The following XXYLT1 variants were observed in gnomAD, a reference collection of about 807,000 sequenced individuals.
The protein encoded by XXYLT1 is xyloside xylosyltransferase 1.
In XXYLT1, 20 loss-of-function variants were observed where a neutral mutation model predicts 28.9. The ratio of observed to expected loss-of-function variants is 0.69; its 90% confidence interval spans 0.49 to 1.00. The LOEUF (loss-of-function observed/expected upper bound fraction) is 1.00. XXYLT1 is among the 50% of genes least tolerant of loss of function. The pLI is 0.00. For synonymous variants in XXYLT1, 257 were observed against 253.8 expected (o/e 1.01, Z -0.12); for missense variants, 542 against 560.1 (o/e 0.97, Z 0.33).
At position 195,227,899 on chromosome 3, in the gene XXYLT1, G is replaced by C. The variant is rs188218637; in HGVS notation, c.505-1043C>G. 1.3e-4 allele frequency among the ~76,000 whole-genome samples: 20 copies of C among 152,348 alleles called. No individual in the cohort carries two copies. In the East Asian group the frequency reaches 2.5e-3, roughly 19 times the overall value. The stretch of plus-strand genomic sequence containing the variant: ...CTTGTCTAACTCTACTCCAGAAGAT[G>C]AGAAGTATGGCCCATGCGCAGCCCC... On this transcript the variant is annotated intron_variant, in intron 1 of 3. Transcript: ENST00000310380.
chr3:195,241,829 A>G (rs544503709), intron 1 of XXYLT1, among the ~76,000 whole-genome samples: 2 of 152,020 alleles, frequency 1.3e-5, no homozygotes, highest in Admixed American at 1.3e-4. Flanking sequence ...ACACATGCAC[A>G]CAACATACAC....
intron 3 of XXYLT1, among the ~76,000 whole-genome samples, chr3:195,108,425 C>T (rs543118507): frequency 6.6e-6 from 1 of 152,272 alleles, no homozygotes; most frequent in South Asian, 2.1e-4. Flanking sequence ...AATTGATTTC[C>T]TGTCTGTAAA....
At chr3:195,182,758 T>C (rs1029924384) in intron 2 of XXYLT1, among the ~76,000 whole-genome samples, 1 of 152,198 alleles carries the variant, frequency 6.6e-6, no homozygotes, top group Admixed American at 6.5e-5. Flanking sequence ...CATCCCTTTA[T>C]GTGAAATCTA....
intron 1 of XXYLT1, among the ~76,000 whole-genome samples, chr3:195,228,813 ATC>A (rs1327593940): frequency 1.3e-4 from 18 of 141,610 alleles, no homozygotes; most frequent in Non-Finnish European, 1.4e-4. Context: ...TTCTATATGT[ATC>A]TCTTTTTTTT....
rs974642616 is a variant in XXYLT1, at chr3:195,180,641, A to G, written c.653-24060T>C. 1.0e-4 allele frequency: 77 copies of G among 757,212 alleles called. No individual in the cohort carries two copies. Among genetic ancestry groups the G allele is most frequent in the Non-Finnish European group, 1.2e-4 (72 of 621,956 alleles). 46.9% of individuals were successfully genotyped at this position (757,212 alleles called of 1,614,324 possible). A position where few individuals can be genotyped will look rare whatever the true frequency, so the allele number is the denominator to read the frequency against. ...AAGAGCACCAGACGGCGGTGGCTGG[A>G]GCACCCCGTGCCACTGCAAACGTGA... On this transcript the variant is annotated intron_variant, in intron 2 of 3. Coordinates refer to ENST00000310380, the MANE Select transcript of XXYLT1 (RefSeq NM_152531.5). The surrounding 1 kb of genome is among the most constrained non-coding windows in gnomAD (Gnocchi z 5.8).
chr3:195,153,723 G>A (rs1274599834), intron 3 of XXYLT1, among the ~76,000 whole-genome samples: 1 of 152,166 alleles, frequency 6.6e-6, no homozygotes, highest in African/African-American at 2.4e-5. Context: ...TACAAATTCT[G>A]GCCAATCCTG....
At chr3:195,088,215 C>T in intron 3 of XXYLT1, among the ~76,000 whole-genome samples, 1 of 151,508 alleles carries the variant, frequency 6.6e-6, no homozygotes, top group Admixed American at 6.6e-5. Context: ...CCTCTGTAGG[C>T]TCCACCTCTG....
chr3:195,104,273 G>A (rs1007998886), intron 3 of XXYLT1, among the ~76,000 whole-genome samples: 32 of 151,834 alleles, frequency 2.1e-4, no homozygotes, highest in Non-Finnish European at 4.1e-4. Context: ...GATGCCATGA[G>A]AGGAAAACGA....
chr3:195,075,843 G>C (rs977981452), intron 3 of XXYLT1, among the ~76,000 whole-genome samples: 2 of 152,240 alleles, frequency 1.3e-5, no homozygotes, highest in Non-Finnish European at 2.9e-5. Flanking sequence ...GAACTTGGAA[G>C]GGGCAAGCGA....
intron 3 of XXYLT1, among the ~76,000 whole-genome samples, chr3:195,075,641 C>T (rs1715070792): frequency 6.6e-6 from 1 of 152,190 alleles, no homozygotes; most frequent in African/African-American, 2.4e-5. Context: ...GCTCACCACA[C>T]TAGCACTTGG....
chr3:195,153,308 A>T (rs897769786), intron 3 of XXYLT1, among the ~76,000 whole-genome samples: 3 of 152,220 alleles, frequency 2.0e-5, no homozygotes, highest in Non-Finnish European at 2.9e-5. Context: ...GCCAGCCAGT[A>T]CCAAGCCATT....
rs972960465 is a variant in XXYLT1 at position 195,168,986 on chromosome 3, CAA to C, written c.653-12407_653-12406del. Among the ~76,000 whole-genome samples the C allele has an allele frequency of 6.6e-6, 1 of 152,200 alleles. No individual in the cohort carries two copies. The highest frequency in any genetic ancestry group is 2.4e-5 in the African/African-American group (1 of 41,448). On this transcript the variant is annotated intron_variant, in intron 2 of 3. Transcript: ENST00000310380. This position sits in a 1 kb window ranked among gnomAD's most constrained non-coding sequence, Gnocchi z 4.3. ...CCTACTTCTGGGAAACAAATCACTC[CAA>C]AACCTAGTGGCTTAAAACAACAGTG...
intron 3 of XXYLT1, chr3:195,093,989 G>A (rs1451510350): frequency 6.5e-6 from 1 of 153,624 alleles, no homozygotes; most frequent in African/African-American, 2.4e-5. Context: ...CAGTCAAGGG[G>A]AGAGTGTCAG....
intron 3 of XXYLT1, among the ~76,000 whole-genome samples, chr3:195,134,265 GAAA>G (rs1049353396): frequency 6.6e-6 from 1 of 152,150 alleles, no homozygotes; most frequent in African/African-American, 2.4e-5. Context: ...TGCCTGAATA[GAAA>G]AAGCTTACAG....
At chr3:195,090,375 A>C (rs1271667299) in intron 3 of XXYLT1, among the ~76,000 whole-genome samples, 1 of 151,308 alleles carries the variant, frequency 6.6e-6, no homozygotes, top group Non-Finnish European at 1.5e-5. Context: ...TAAGAATCTC[A>C]CTCAAAACCA....
intron 3 of XXYLT1, among the ~76,000 whole-genome samples, chr3:195,132,484 A>G (rs1280459047): frequency 1.3e-5 from 2 of 152,152 alleles, no homozygotes; most frequent in Non-Finnish European, 1.5e-5. Flanking sequence ...AAAAAAAGAA[A>G]GAAAATAAGT....
intron 3 of XXYLT1, among the ~76,000 whole-genome samples, chr3:195,110,774 TGTGTGGTGTATAAGTGTATGTGGTGTA>T (rs1717639361): frequency 9.7e-6 from 1 of 102,996 alleles, no homozygotes; most frequent in Admixed American, 9.8e-5. Flanking sequence ...GTGTGGTGTG[TGTGTGGTGTATAAGTGTATGTGGTGTA>T]TGTGTGCGTG....
At chr3:195,244,028 C>T (rs1458961648) in intron 1 of XXYLT1, among the ~76,000 whole-genome samples, 1 of 152,222 alleles carries the variant, frequency 6.6e-6, no homozygotes, top group Non-Finnish European at 1.5e-5. Context: ...CCTCACTGCA[C>T]GACGTCCAAT....
intron 3 of XXYLT1, among the ~76,000 whole-genome samples, chr3:195,117,222 C>T (rs78205589): frequency 0.012 from 1,754 of 152,246 alleles, 15 homozygotes; most frequent in South Asian, 0.023. Context: ...GACACATACA[C>T]ACACGCGTCC....
Sources: allele counts gnomAD v4.1 joint callset (sites outside exome capture counted in the v4.1 genomes callset), GRCh38; gene constraint gnomAD v4.1.1; non-coding constraint Gnocchi (gnomAD v3.1); transcripts MANE v1.5; gene names NCBI Gene and HGNC (gene_info 2026-07-23, HGNC 2026-07-21).